The following CUL2 variants were observed in gnomAD, a reference collection of about 807,000 sequenced individuals.
CUL2 encodes the protein cullin-2.
Under a neutral mutation model 110.2 loss-of-function variants are expected in CUL2, and 22 were observed. The observed-to-expected ratio is 0.20, with a 90% CI of 0.14 to 0.28. CUL2 has a LOEUF of 0.28. Among genes scored for constraint, CUL2 ranks in the 10% least tolerant of loss-of-function variants. The pLI is 1.00. For synonymous variants in CUL2, 279 were observed against 293.2 expected, an observed-to-expected ratio of 0.95 and a Z score of 0.49; for missense variants, 631 against 905.5, an observed-to-expected ratio of 0.70 and a Z score of 3.89.
chr10:35,026,351 T>G (rs972018146), intron 16 of CUL2, among the ~76,000 whole-genome samples: 1 of 152,174 alleles, frequency 6.6e-6, no homozygotes, highest in Non-Finnish European at 1.5e-5. Flanking sequence ...CCCAGGGATA[T>G]CAATAAAATT....
At position 35,028,902 on chromosome 10, in the gene CUL2, AT is replaced by A. The variant is rs777407084; in HGVS notation, c.1540-16del. On this transcript the variant is annotated splice_polypyrimidine_tract_variant and intron_variant, in intron 15 of 20. Coordinates refer to ENST00000374749, the MANE Select transcript of CUL2 (RefSeq NM_003591.4). ...CACGCACCAGCCTAGAAGGAAAAAAATAAAATAAAATAAGCTAAATGGATCA... is the reference window on the plus strand; with the variant it reads ...CACGCACCAGCCTAGAAGGAAAAAAAAAAATAAAATAAGCTAAATGGATCA... 1.4e-4 allele frequency: 217 copies of A among 1,500,266 alleles called. No homozygotes were observed. The highest frequency in any genetic ancestry group is 1.7e-4 in the Non-Finnish European group (187 of 1,092,192). 92.9% of individuals were successfully genotyped at this position (1,500,266 alleles called of 1,614,324 possible). A position where few individuals can be genotyped will look rare whatever the true frequency, so the allele number is the denominator to read the frequency against.
rs957677883 is a variant in CUL2 at position 35,035,417 on chromosome 10, C to T, written c.878-121G>A. 8 of 1,032,152 alleles carry T rather than the reference C, an allele frequency of 7.8e-6. No individual in the cohort carries two copies. In the African/African-American group the frequency reaches 1.1e-4, roughly 14 times the overall value. 63.9% of individuals were successfully genotyped at this position (1,032,152 alleles called of 1,614,324 possible). A position where few individuals can be genotyped will look rare whatever the true frequency, so the allele number is the denominator to read the frequency against. ...AAGTGCAGAGCACCCAGAGAAAAGTCCCCCATGCCCACCTCCCAGCCACCC... is the reference window on the plus strand; with the variant it reads ...AAGTGCAGAGCACCCAGAGAAAAGTTCCCCATGCCCACCTCCCAGCCACCC... On this transcript the variant is annotated intron_variant, in intron 9 of 20. Coordinates refer to ENST00000374749, the MANE Select transcript of CUL2 (RefSeq NM_003591.4).
At chr10:35,096,318 G>A (rs551402248) in intron 2 of CUL2, among the ~76,000 whole-genome samples, 4 of 152,076 alleles carry the variant, frequency 2.6e-5, no homozygotes, top group East Asian at 2.0e-4. Context: ...AGTGGCTGAC[G>A]TGATGGCCGG....
chr10:35,123,387 G>A (rs749342739), intron 1 of CUL2, among the ~76,000 whole-genome samples: 3 of 151,928 alleles, frequency 2.0e-5, no homozygotes, highest in Admixed American at 6.6e-5. Context: ...GATTTTCTAA[G>A]AGAAATCACA....
intron 17 of CUL2, among the ~76,000 whole-genome samples, chr10:35,021,266 T>TTG (rs2085174576): frequency 6.6e-6 from 1 of 151,518 alleles, no homozygotes; most frequent in Non-Finnish European, 1.5e-5. Flanking sequence ...TTCTTTCTTT[T>TTG]TTTTTTTTGA....
chr10:35,104,847 A>G (rs1226054279), intron 1 of CUL2, among the ~76,000 whole-genome samples: 1 of 151,864 alleles, frequency 6.6e-6, no homozygotes, highest in Non-Finnish European at 1.5e-5. Flanking sequence ...CTTTTGCCTC[A>G]GCCTCCTGAG....
chr10:35,071,088 T>A, intron 2 of CUL2, 111 bp downstream of exon 2: 1 of 1,002,286 alleles, frequency 1.0e-6, no homozygotes. Context: ...GATGATAATA[T>A]ATTAGAAAAT....
chr10:35,081,226 C>CA (rs1298390380), intron 1 of CUL2, among the ~76,000 whole-genome samples: 1 of 151,940 alleles, frequency 6.6e-6, no homozygotes, highest in Non-Finnish European at 1.5e-5. Flanking sequence ...GATCTTGTCA[C>CA]AAAAAAGCAG....
chr10:35,112,777 G>A (rs138202841), intron 1 of CUL2, among the ~76,000 whole-genome samples: 10 of 152,294 alleles, frequency 6.6e-5, no homozygotes, highest in African/African-American at 1.4e-4. Flanking sequence ...TCAAAAGGTT[G>A]TTGCCTGAGT....
At chr10:35,090,828 T>C (rs2087192508), upstream of CUL2, among the ~76,000 whole-genome samples, 1 of 152,214 alleles carries the variant, frequency 6.6e-6, no homozygotes, top group South Asian at 2.1e-4. Flanking sequence ...AATAACAATA[T>C]GTTGGAATGG....
At chr10:35,079,480 C>T (rs965085336) in intron 1 of CUL2, 3 of 152,622 alleles carry the variant, frequency 2.0e-5, no homozygotes, top group African/African-American at 4.8e-5. Flanking sequence ...CAGTATGTTG[C>T]CATCAAGTGG....
intron 17 of CUL2, among the ~76,000 whole-genome samples, chr10:35,024,667 G>A (rs948047858): frequency 6.6e-6 from 1 of 152,186 alleles, no homozygotes; most frequent in Non-Finnish European, 1.5e-5. Context: ...TTTAAAATTG[G>A]AAACTATTGA....
At chr10:35,042,886 T>A (rs969289224) in intron 8 of CUL2, among the ~76,000 whole-genome samples, 1 of 152,056 alleles carries the variant, frequency 6.6e-6, no homozygotes, top group Non-Finnish European at 1.5e-5. Flanking sequence ...TTGTGACTGG[T>A]GTCTGGGGGT....
At chr10:35,040,725 C>T (rs1327032594) in intron 8 of CUL2, among the ~76,000 whole-genome samples, 4 of 152,106 alleles carry the variant, frequency 2.6e-5, no homozygotes, top group South Asian at 2.1e-4. Flanking sequence ...TTTCCACAGA[C>T]GGAGTGCGGG....
rs551543662 is a variant in CUL2 at position 35,028,979 on chromosome 10, A to AT, written c.1540-93dup. On this transcript the variant is annotated intron_variant, in intron 15 of 20. Transcript: ENST00000374749. ...ATTAAATAATCTAAGCATCTAAAACATTTTTTTCTTCCTCAAAATGTTGAT... is the reference window on the plus strand; with the variant it reads ...ATTAAATAATCTAAGCATCTAAAACATTTTTTTTCTTCCTCAAAATGTTGAT... 1.5e-4 allele frequency: 110 copies of AT among 754,500 alleles called. No homozygotes were observed. The East Asian group carries it at 3.1e-3, about 21-fold the overall frequency. 46.7% of individuals were successfully genotyped at this position (754,500 alleles called of 1,614,324 possible). A position where few individuals can be genotyped will look rare whatever the true frequency, so the allele number is the denominator to read the frequency against.
chr10:35,066,055 C>T (rs2086513906), intron 2 of CUL2, among the ~76,000 whole-genome samples: 1 of 152,124 alleles, frequency 6.6e-6, no homozygotes, highest in East Asian at 1.9e-4. Context: ...AACCAAAAGA[C>T]AGTCCTAACC....
At chr10:35,079,948 C>G (rs2086906607) in intron 1 of CUL2, among the ~76,000 whole-genome samples, 1 of 152,148 alleles carries the variant, frequency 6.6e-6, no homozygotes, top group Non-Finnish European at 1.5e-5. Context: ...CGTAGAGATG[C>G]TGGACAAAGG....
At chr10:35,039,635 C>A (rs1478870981) in intron 8 of CUL2, among the ~76,000 whole-genome samples, 1 of 152,000 alleles carries the variant, frequency 6.6e-6, no homozygotes, top group African/African-American at 2.4e-5. Context: ...GAGGCCAAGG[C>A]AGGTGGATCA....
chr10:35,019,270 C>T (rs1035802744), intron 17 of CUL2, among the ~76,000 whole-genome samples: 2 of 152,078 alleles, frequency 1.3e-5, no homozygotes, highest in African/African-American at 4.8e-5. Flanking sequence ...AGTCTTCTGC[C>T]GTCTTTCAGC....
Sources: allele counts gnomAD v4.1 joint callset (sites outside exome capture counted in the v4.1 genomes callset), GRCh38; gene constraint gnomAD v4.1.1; transcripts MANE v1.5; gene names NCBI Gene and HGNC (gene_info 2026-07-23, HGNC 2026-07-21).